MLXIPL: variants seen among roughly 807,000 people sequenced by gnomAD.
MLXIPL encodes carbohydrate-responsive element-binding protein.
Under a neutral mutation model 81.5 loss-of-function variants are expected in MLXIPL, and 49 were observed. The ratio of observed to expected loss-of-function variants is 0.60; its 90% CI spans 0.48 to 0.76. MLXIPL has a LOEUF of 0.76. Ranked by LOEUF, MLXIPL falls within the 30% of genes least tolerant of loss-of-function variation. The pLI is 0.00. For missense variants in MLXIPL, 1,053 were observed against 1,167.0 expected (o/e 0.90, Z 1.42); for synonymous variants, 466 against 485.5 (o/e 0.96, Z 0.53).
intron 2 of MLXIPL, among the ~76,000 whole-genome samples, chr7:73,608,458 A>T (rs553933493): frequency 6.6e-6 from 1 of 152,094 alleles, no homozygotes; most frequent in Non-Finnish European, 1.5e-5. Flanking sequence ...ATGGCGGCAC[A>T]TGCCTATAGT....
intron 15 of MLXIPL, 126 bp downstream of exon 15, chr7:73,595,511 C>G: frequency 6.3e-7 from 1 of 1,598,928 alleles, no homozygotes; most frequent in Non-Finnish European, 8.5e-7. Flanking sequence ...AGAGCCAGAG[C>G]CTGTCACCTG....
the MLXIPL span, among the ~76,000 whole-genome samples, chr7:73,636,936 T>G: frequency 2.5e-4 from 38 of 151,774 alleles, no homozygotes; most frequent in East Asian, 5.1e-3. Flanking sequence ...GGCGGATGCC[T>G]GTAATCCCAG....
At chr7:73,642,471 C>T in the MLXIPL span, among the ~76,000 whole-genome samples, 12 of 152,256 alleles carry the variant, frequency 7.9e-5, no homozygotes, top group African/African-American at 2.9e-4. Flanking sequence ...CCTGCCTCAG[C>T]CTCTGGAGTA....
chr7:73,597,319 G>C lies in MLXIPL; in HGVS notation c.1466C>G (p.Ser489Cys), dbSNP rs1276584472. 6.4e-7 allele frequency: 1 copy of C among 1,557,900 alleles called. No homozygotes were observed. The highest frequency in any genetic ancestry group is 1.9e-5 in the Admixed American group (1 of 53,844). Residue 489 changes from serine (S) to cysteine (C), a missense_variant, in exon 9 of 17, where the codon TCC becomes TGC. By Grantham distance (112) the Ser-to-Cys change is moderately radical. Transcript: ENST00000313375. Reference protein sequence around the residue: ...YSEPAFGPCFSMPRGKPPAPS... With the variant: ...YSEPAFGPCFCMPRGKPPAPS... ...GGCGGGGGGCTTGCCTCTGGGCATG[G>C]AGAAGCAAGGCCCAAAGGCAGGCTC...
At position 73,607,382 on chromosome 7, in the gene MLXIPL, G is replaced by A. The variant is rs781966362; in HGVS notation, c.522C>T (p.Ile174=). The part of the protein sequence containing the change: ...VLEGNYWKRR[I]EVVMREYHKW... ...TGTGGTATTCCCGCATCACCACCTCGATGCGCCGCTTCCAGTAGTTCCCCT... is the reference window on the plus strand; with the variant it reads ...TGTGGTATTCCCGCATCACCACCTCAATGCGCCGCTTCCAGTAGTTCCCCT... The change falls in exon 4 of 17, where the codon ATC becomes ATT. Residue 174 remains isoleucine, a synonymous_variant. Coordinates refer to ENST00000313375, the MANE Select transcript of MLXIPL (RefSeq NM_032951.3). 8 of 1,564,908 alleles carry A rather than the reference G, an allele frequency of 5.1e-6. No homozygotes were observed. The highest frequency in any genetic ancestry group is 6.9e-6 in the Non-Finnish European group (8 of 1,154,364).
intron 15 of MLXIPL, 74 bp from the exon 16 acceptor site, chr7:73,594,477 C>A: frequency 6.3e-7 from 1 of 1,582,424 alleles, no homozygotes; most frequent in South Asian, 1.1e-5. Context: ...ATGCCCAGTT[C>A]AAACCAGGGG....
At chr7:73,620,129 C>T (rs1201587238) in intron 1 of MLXIPL, among the ~76,000 whole-genome samples, 7 of 151,658 alleles carry the variant, frequency 4.6e-5, no homozygotes, top group South Asian at 2.1e-4. Flanking sequence ...TAGGGCCAGG[C>T]GCGGTGGCTC....
chr7:73,600,618 AG>A (rs1350128998), intron 7 of MLXIPL, among the ~76,000 whole-genome samples: 1 of 29,728 alleles, frequency 3.4e-5, no homozygotes, highest in Non-Finnish European at 6.1e-5. Flanking sequence ...TGGGGATGAG[AG>A]GGGGCCTAAG....
At chr7:73,640,416 GAAAAAGAA>G in the MLXIPL span, among the ~76,000 whole-genome samples, 4 of 141,188 alleles carry the variant, frequency 2.8e-5, no homozygotes, top group African/African-American at 8.1e-5. Flanking sequence ...AAAAAAAAAA[GAAAAAGAA>G]AAAAAGAAAT....
chr7:73,599,412 C>T (rs1238952261), intron 8 of MLXIPL, 114 bp downstream of exon 8: 6 of 1,348,652 alleles, frequency 4.4e-6, no homozygotes, highest in African/African-American at 1.4e-5. Context: ...TCCCTCCAAT[C>T]TCCAAGCAGA....
intron 5 of MLXIPL, 51 bp downstream of exon 5, chr7:73,606,923 A>C (rs1554598325): frequency 6.3e-7 from 1 of 1,599,358 alleles, no homozygotes; most frequent in East Asian, 2.2e-5. Flanking sequence ...CCTCCCATCT[A>C]CTTGGGGGGC....
chr7:73,608,954 G>A (rs927219347), intron 2 of MLXIPL, among the ~76,000 whole-genome samples: 2 of 152,078 alleles, frequency 1.3e-5, no homozygotes, highest in African/African-American at 4.8e-5. Flanking sequence ...AGCCTCTGGT[G>A]TACGCCACCA....
intron 8 of MLXIPL, among the ~76,000 whole-genome samples, chr7:73,599,016 C>T (rs535949442): frequency 6.6e-6 from 1 of 150,514 alleles, no homozygotes; most frequent in South Asian, 2.1e-4. Context: ...TACAGTGAGC[C>T]GAGATCATGC....
In MLXIPL at chr7:73,594,000, G is replaced by C; in HGVS notation, c.2441-17C>G. The C allele has an allele frequency of 1.3e-6, 2 of 1,597,358 alleles. No individual in the cohort carries two copies. Among genetic ancestry groups the C allele is most frequent in the Non-Finnish European group, 1.7e-6 (2 of 1,164,968 alleles). Reference sequence around the variant, plus strand: ...TCAGGACAGCTGGGTGGGAGACAGAGAGAGAGAGACAGACACTTCCTGGGG... The same window carrying C: ...TCAGGACAGCTGGGTGGGAGACAGACAGAGAGAGACAGACACTTCCTGGGG... On this transcript the variant is annotated splice_polypyrimidine_tract_variant and intron_variant, in intron 16 of 16. Transcript: ENST00000313375.
chr7:73,624,646 T>G, upstream of MLXIPL: 1 of 1,330,090 alleles, frequency 7.5e-7, no homozygotes, highest in Non-Finnish European at 9.6e-7. Context: ...ATTAGCATAA[T>G]CCTTACGCCA....
At chr7:73,638,022 C>T in the MLXIPL span, among the ~76,000 whole-genome samples, 1 of 152,136 alleles carries the variant, frequency 6.6e-6, no homozygotes, top group Non-Finnish European at 1.5e-5. Flanking sequence ...TTCCTTTGGC[C>T]TCCCCCATTA....
the MLXIPL span, among the ~76,000 whole-genome samples, chr7:73,635,624 A>T: frequency 1.7e-4 from 26 of 150,076 alleles, no homozygotes; most frequent in East Asian, 4.5e-3. Context: ...ATCTCTCTCC[A>T]TCCACCCATC....
chr7:73,601,257 C>G (rs963211729), intron 7 of MLXIPL, among the ~76,000 whole-genome samples: 3 of 151,196 alleles, frequency 2.0e-5, no homozygotes, highest in Admixed American at 6.6e-5. Context: ...GAGATAGAAT[C>G]GTGCTATGTT....
chr7:73,597,124 C>A, intron 9 of MLXIPL, 58 bp downstream of exon 9: 1 of 1,522,612 alleles, frequency 6.6e-7, no homozygotes, highest in South Asian at 1.2e-5. Context: ...AACCCCCTGT[C>A]CTCCCCACCC....
Sources: allele counts gnomAD v4.1 joint callset (sites outside exome capture counted in the v4.1 genomes callset), GRCh38; gene constraint gnomAD v4.1.1; transcripts MANE v1.5; gene names NCBI Gene and HGNC (gene_info 2026-07-23, HGNC 2026-07-21).